Variants in MAST4 observed in about 807,000 individuals in gnomAD.
MAST4 encodes the protein microtubule associated serine/threonine kinase family member 4.
A neutral mutation model predicts 162.7 loss-of-function variants in MAST4; 89 were observed. That is an observed-to-expected ratio of 0.55 (90% CI 0.46 to 0.65). The LOEUF is 0.65. Ranked by LOEUF, MAST4 falls within the 30% of genes least tolerant of loss-of-function variation. The pLI is 0.00. For missense variants in MAST4, 3,153 were observed against 3,374.0 expected (o/e 0.93, Z 1.62); for synonymous variants, 1,479 against 1,361.1 (o/e 1.09, Z -1.91).
At chr5:67,066,502 T>G (rs1760252243) in intron 5 of MAST4, among the ~76,000 whole-genome samples, 2 of 151,908 alleles carry the variant, frequency 1.3e-5, no homozygotes. Context: ...TATCATTTTC[T>G]TTTAGCATTA....
At chr5:66,682,413 T>C (rs1342134102) in intron 1 of MAST4, among the ~76,000 whole-genome samples, 1 of 152,240 alleles carries the variant, frequency 6.6e-6, no homozygotes, top group Non-Finnish European at 1.5e-5. Context: ...GCTGTGTCAG[T>C]GCTGCTAACA....
chr5:66,701,138 G>T (rs534431299), intron 1 of MAST4, among the ~76,000 whole-genome samples: 6 of 152,112 alleles, frequency 3.9e-5, no homozygotes, highest in African/African-American at 1.2e-4. Context: ...GTGCATTTTT[G>T]AACATGTTTC....
Position 67,114,067 on chromosome 5 carries a change from C to T in MAST4, c.1459-20C>T, listed in dbSNP as rs1377581617. 1 of 1,613,246 alleles carries T rather than the reference C, an allele frequency of 6.2e-7. No homozygotes were observed. The highest frequency in any genetic ancestry group is 8.5e-7 in the Non-Finnish European group (1 of 1,179,658). On this transcript the variant is annotated intron_variant, in intron 11 of 28. Coordinates refer to ENST00000403625, the MANE Select transcript of MAST4 (RefSeq NM_001164664.2). The stretch of plus-strand genomic sequence containing the variant: ...AATTTTGGCTCAAAGAAGTATCCAT[C>T]TGTGATTGTCTTCGGCTAGGAATTT...
rs188000897 is a variant in MAST4, at chr5:66,631,927, A to T, written c.363+34909A>T. Among the ~76,000 whole-genome samples the T allele has an allele frequency of 5.4e-4, 82 of 152,274 alleles. No individual in the cohort carries two copies. In the East Asian group the frequency reaches 0.015, roughly 29 times the overall value. ...ATTGGCAGAGCTGGGATTTGAACTG[A>T]ACCTAGGCAGTCAGACTTGAGACCC... On this transcript the variant is annotated intron_variant, in intron 1 of 28. Coordinates refer to ENST00000403625, the MANE Select transcript of MAST4 (RefSeq NM_001164664.2).
chr5:66,927,254 G>A (rs1053048301), intron 4 of MAST4, among the ~76,000 whole-genome samples: 1 of 152,178 alleles, frequency 6.6e-6, no homozygotes, highest in South Asian at 2.1e-4. Context: ...AATACACTGA[G>A]ATATTTGACC....
intron 1 of MAST4, among the ~76,000 whole-genome samples, chr5:66,696,946 C>G (rs879939997): frequency 1.1e-4 from 17 of 152,236 alleles, no homozygotes; most frequent in Middle Eastern, 3.4e-3. Context: ...TATCTTAACC[C>G]TTGAGAGTAC....
At chr5:66,616,517 T>C (rs1301234688) in intron 1 of MAST4, among the ~76,000 whole-genome samples, 1 of 152,222 alleles carries the variant, frequency 6.6e-6, no homozygotes, top group African/African-American at 2.4e-5. Context: ...CTCCTGGTTC[T>C]CTTCCCAAGG....
At chr5:67,037,738 T>C (rs945265630) in intron 4 of MAST4, among the ~76,000 whole-genome samples, 1 of 152,164 alleles carries the variant, frequency 6.6e-6, no homozygotes, top group African/African-American at 2.4e-5. Flanking sequence ...GTTTTAACAG[T>C]TGAAAAATGA....
intron 3 of MAST4, among the ~76,000 whole-genome samples, chr5:66,854,051 A>T (rs1759500283): frequency 6.6e-6 from 1 of 152,040 alleles, no homozygotes; most frequent in South Asian, 2.1e-4. Flanking sequence ...ATTTTTATTT[A>T]TTTATTTATT....
intron 3 of MAST4, among the ~76,000 whole-genome samples, chr5:66,824,876 G>C (rs1484385743): frequency 6.6e-6 from 1 of 152,124 alleles, no homozygotes; most frequent in African/African-American, 2.4e-5. Context: ...CAATATAAAA[G>C]ATATTTTATA....
rs770518684 is a variant in MAST4, at chr5:66,788,735, C to A, written c.583C>A (p.Leu195Ile). The change falls in exon 3 of 29, where the codon CTC becomes ATC. Residue 195 changes from leucine to isoleucine, a missense_variant. Coordinates refer to ENST00000403625, the MANE Select transcript of MAST4 (RefSeq NM_001164664.2). ...GCCGGCCTCTGCAGAGACGTCCAAC[C>A]TCGTGCGCATGCGCAGCCAGGCCCT... ...AWPASAETSNLVRMRSQALGQ... is the reference protein window; with the variant it reads ...AWPASAETSNIVRMRSQALGQ... The A allele has an allele frequency of 4.3e-6, 7 of 1,613,266 alleles. No homozygotes were observed. In the Admixed American group the frequency reaches 5.0e-5, roughly 12 times the overall value.
In MAST4 at chr5:66,939,267, C is replaced by T. The variant is rs538135087; in HGVS notation, c.674+39285C>T. On this transcript the variant is annotated intron_variant, in intron 4 of 28. Coordinates refer to ENST00000403625, the MANE Select transcript of MAST4 (RefSeq NM_001164664.2). ...CTGGATGGGTTTAAAGTTAATTAAA[C>T]ACAGTGGAAGACAGGATTAGTAAAC... 3.3e-5 allele frequency among the ~76,000 whole-genome samples: 5 copies of T among 152,194 alleles called. No individual in the cohort carries two copies. In the East Asian group the frequency reaches 9.7e-4, roughly 29 times the overall value.
intron 6 of MAST4, among the ~76,000 whole-genome samples, chr5:67,091,378 C>A (rs755503155): frequency 4.6e-5 from 7 of 152,174 alleles, no homozygotes; most frequent in Non-Finnish European, 1.0e-4. Flanking sequence ...GGGGACAATA[C>A]AAGAGTGATA....
intron 3 of MAST4, among the ~76,000 whole-genome samples, chr5:66,809,773 G>T (rs111408037): frequency 6.6e-6 from 1 of 152,022 alleles, no homozygotes; most frequent in South Asian, 2.1e-4. Context: ...GTCTTGCTCT[G>T]TCGCCAGGCT....
Position 67,149,517 on chromosome 5 carries a change from G to GA in MAST4, c.3230dup (p.Lys1078GlufsTer89), listed in dbSNP as rs1771536737. 1 of 1,613,722 alleles carries GA rather than the reference G, an allele frequency of 6.2e-7. No homozygotes were observed. The highest frequency in any genetic ancestry group is 8.5e-7 in the Non-Finnish European group (1 of 1,179,812). On this transcript the variant is annotated frameshift_variant, in exon 24 of 29. Transcript: ENST00000403625. LOFTEE classifies it high-confidence loss of function. ...GGCTCGGCAGCGATTAGAAAGCACA[G>GA]AAAAAAAGAAAATCTCGGGGAAAGT... is the stretch of plus-strand genomic sequence containing the variant.
intron 4 of MAST4, among the ~76,000 whole-genome samples, chr5:66,907,158 C>CAAGAGAGAGAGAGAGAGAGAGAGAGA (rs1554066737): frequency 1.9e-5 from 2 of 104,262 alleles, no homozygotes; most frequent in Admixed American, 2.0e-4. Context: ...CTCAGCAAAG[C>CAAGAGAGAGAGAGAGAGAGAGAGAGA]GAGAGAGAGA....
chr5:66,738,715 T>C (rs1752310188), intron 1 of MAST4, among the ~76,000 whole-genome samples: 1 of 152,194 alleles, frequency 6.6e-6, no homozygotes, highest in South Asian at 2.1e-4. Flanking sequence ...TTGAAAGTGC[T>C]CCGACACAGG....
chr5:66,906,770 T>G (rs1250796050), intron 4 of MAST4, among the ~76,000 whole-genome samples: 1 of 152,172 alleles, frequency 6.6e-6, no homozygotes, highest in Non-Finnish European at 1.5e-5. Flanking sequence ...CATTTTACCA[T>G]ATGACTACAT....
At chr5:67,058,404 G>A (rs73768179) in intron 5 of MAST4, among the ~76,000 whole-genome samples, 1,688 of 152,086 alleles carry the variant, frequency 0.011, 26 homozygotes, top group African/African-American at 0.038. Context: ...CCTTTTGCCC[G>A]GCAAATTAAC....
Sources: allele counts gnomAD v4.1 joint callset (sites outside exome capture counted in the v4.1 genomes callset), GRCh38; gene constraint gnomAD v4.1.1; transcripts MANE v1.5; gene names NCBI Gene and HGNC (gene_info 2026-07-23, HGNC 2026-07-21).